Variants in DMD observed in about 807,000 individuals in gnomAD.
The protein encoded by DMD is mutant dystrophin.
Under a neutral mutation model 330.1 loss-of-function variants are expected in DMD, and 63 were observed. The observed-to-expected ratio is 0.19, with a 90% CI of 0.16 to 0.24. DMD has a LOEUF of 0.24. Ranked by LOEUF, DMD falls within the 10% of genes least tolerant of loss-of-function variation. The pLI, the probability that DMD is intolerant of heterozygous loss-of-function variation, is 1.00. For synonymous variants in DMD, 1,223 were observed against 959.8 expected (o/e 1.27, Z -5.07); for missense variants, 3,344 against 2,684.1 (o/e 1.25, Z -5.43).
chrX:31,279,502 T>C (rs912869430), intron 62 of DMD, among the ~76,000 whole-genome samples: 1 of 111,830 alleles, frequency 8.9e-6, no homozygotes, highest in African/African-American at 3.3e-5. Flanking sequence ...ATGACATGAC[T>C]TGCTTCGGCT....
Position 32,016,125 on chromosome X carries a change from T to G in DMD, c.6439-47611A>C, listed in dbSNP as rs181453399. On this transcript the variant is annotated intron_variant, in intron 44 of 78. Transcript: ENST00000357033. The stretch of plus-strand genomic sequence containing the variant: ...AGTTTAGAGGTCTATTAAATGACCT[T>G]CTGTTATGCAATCTGCAGTCATGAA... 8.0e-5 allele frequency among the ~76,000 whole-genome samples: 9 copies of G among 112,001 alleles called. No individual in the cohort carries two copies. The East Asian group carries it at 2.0e-3, about 25-fold the overall frequency.
chrX:31,835,309 G>A (rs2093171312), intron 49 of DMD, among the ~76,000 whole-genome samples: 1 of 111,914 alleles, frequency 8.9e-6, no homozygotes, highest in Admixed American at 9.5e-5. Flanking sequence ...ACAAAGAGTA[G>A]ATAGAAACGT....
intron 50 of DMD, among the ~76,000 whole-genome samples, chrX:31,801,645 T>C (rs563847012): frequency 2.0e-5 from 2 of 102,458 alleles, no homozygotes; most frequent in South Asian, 1.1e-3. Flanking sequence ...ATTAATTTGA[T>C]TGTGGTAATC....
chrX:32,083,939 T>C (rs1027279629), intron 44 of DMD, among the ~76,000 whole-genome samples: 1 of 112,750 alleles, frequency 8.9e-6, no homozygotes, highest in African/African-American at 3.2e-5. Context: ...TTATGCTTTC[T>C]ATCAGACTCA....
intron 44 of DMD, among the ~76,000 whole-genome samples, chrX:32,187,321 A>G (rs770235970): frequency 6.3e-5 from 7 of 111,397 alleles, no homozygotes; most frequent in Non-Finnish European, 1.3e-4. Flanking sequence ...AAATGAAGGG[A>G]CAAGAGTAGG....
At chrX:32,330,512 G>A (rs779827789) in intron 41 of DMD, among the ~76,000 whole-genome samples, 20 of 111,828 alleles carry the variant, frequency 1.8e-4, no homozygotes, top group Non-Finnish European at 2.8e-4. Flanking sequence ...CAACCCCACT[G>A]CAGAAGCCAT....
chrX:31,937,467 T>C (rs1400936142), intron 45 of DMD, among the ~76,000 whole-genome samples: 1 of 111,958 alleles, frequency 8.9e-6, no homozygotes, highest in Non-Finnish European at 1.9e-5. Context: ...CAGCATCTTT[T>C]AAATATGAAA....
intron 62 of DMD, among the ~76,000 whole-genome samples, chrX:31,310,295 T>C (rs2055398741): frequency 9.1e-6 from 1 of 109,333 alleles, no homozygotes; most frequent in Non-Finnish European, 1.9e-5. Flanking sequence ...CAAATTACTT[T>C]TAATTGGATG....
chrX:32,575,860 GCAT>G (rs1188822105), intron 13 of DMD, among the ~76,000 whole-genome samples: 2 of 111,810 alleles, frequency 1.8e-5, no homozygotes. Context: ...TCAAGCTATA[GCAT>G]CATATTCATA....
At chrX:31,575,552 G>T (rs1477306159) in intron 55 of DMD, among the ~76,000 whole-genome samples, 1 of 111,945 alleles carries the variant, frequency 8.9e-6, no homozygotes, top group Non-Finnish European at 1.9e-5. Flanking sequence ...AGGATTTTGA[G>T]TACATATTTT....
intron 13 of DMD, among the ~76,000 whole-genome samples, chrX:32,576,512 C>T (rs1376776502): frequency 5.4e-5 from 6 of 110,352 alleles, no homozygotes; most frequent in Admixed American, 2.0e-4. Flanking sequence ...GAGTAATGGG[C>T]GGGTAACATT....
At chrX:32,351,682 A>T (rs1198325892) in intron 37 of DMD, among the ~76,000 whole-genome samples, 1 of 110,384 alleles carries the variant, frequency 9.1e-6, no homozygotes, top group Non-Finnish European at 1.9e-5. Flanking sequence ...CTAAAAATTG[A>T]GGGCCAAAAT....
At chrX:32,753,709 T>A (rs1040440944) in intron 7 of DMD, among the ~76,000 whole-genome samples, 3 of 112,443 alleles carry the variant, frequency 2.7e-5, no homozygotes, top group Non-Finnish European at 5.6e-5. Flanking sequence ...ATACTATACT[T>A]TGTATCATAT....
intron 47 of DMD, among the ~76,000 whole-genome samples, chrX:31,889,424 A>C (rs1446917421): frequency 1.8e-5 from 2 of 110,216 alleles, no homozygotes; most frequent in Non-Finnish European, 3.8e-5. Flanking sequence ...GGCATTAGAC[A>C]AATGAAGTGA....
At chrX:33,074,013 C>T (rs2094800512) in intron 1 of DMD, among the ~76,000 whole-genome samples, 1 of 111,200 alleles carries the variant, frequency 9.0e-6, no homozygotes, top group Admixed American at 9.6e-5. Flanking sequence ...GAGAAGGACT[C>T]CGTACTTCTA....
intron 61 of DMD, among the ~76,000 whole-genome samples, chrX:31,329,063 T>C (rs767795201): frequency 1.8e-5 from 2 of 112,622 alleles, no homozygotes; most frequent in South Asian, 7.4e-4. Context: ...TTATCCACCA[T>C]TCATCAGCAT....
intron 51 of DMD, among the ~76,000 whole-genome samples, chrX:31,763,058 T>C (rs1206443320): frequency 8.0e-5 from 9 of 112,800 alleles, no homozygotes; most frequent in Non-Finnish European, 1.7e-4. Context: ...AAGCACCTAG[T>C]ACATCTTTAG....
chrX:32,699,024 A>G (rs1337610273), intron 8 of DMD, 88 bp downstream of exon 8: 1 of 793,315 alleles, frequency 1.3e-6, no homozygotes, highest in African/African-American at 2.1e-5. Flanking sequence ...ATATACATAT[A>G]AGTTATATAT....
chrX:33,052,370 T>C (rs1411324835), intron 1 of DMD, among the ~76,000 whole-genome samples: 1 of 112,107 alleles, frequency 8.9e-6, no homozygotes, highest in Non-Finnish European at 1.9e-5. Flanking sequence ...GAGAATGACT[T>C]TTTTTCTCCC....
Sources: gnomAD v4.1 joint callset for allele counts (sites outside exome capture counted in the v4.1 genomes callset) on GRCh38, gnomAD v4.1.1 for gene constraint, MANE v1.5 for transcripts, NCBI Gene and HGNC (gene_info 2026-07-23, HGNC 2026-07-21) for gene names.